LARP1B: variants seen among roughly 807,000 people sequenced by gnomAD.
LARP1B encodes the protein La ribonucleoprotein 1B, also known as la-related protein 1B.
LARP1B carries 76 observed loss-of-function variants against 114.2 expected under a neutral mutation model. That is an observed-to-expected ratio of 0.67 (90% CI 0.55 to 0.81). The LOEUF is 0.81. Among genes scored for constraint, LARP1B ranks in the 30% least tolerant of loss-of-function variants. The probability of loss-of-function intolerance (pLI) is 0.00; values close to 1 mark genes in which losing one functional copy is unlikely to be tolerated. For synonymous variants in LARP1B, 345 were observed against 348.0 expected (o/e 0.99, Z 0.10); for missense variants, 1,014 against 1,075.8 (o/e 0.94, Z 0.80).
At chr4:128,135,922 GT>G (rs903155265) in intron 11 of LARP1B, among the ~76,000 whole-genome samples, 10 of 151,832 alleles carry the variant, frequency 6.6e-5, no homozygotes, top group Non-Finnish European at 1.5e-4. Flanking sequence ...TTTGTGATGT[GT>G]TTTTTAACAT....
At chr4:128,146,816 T>G (rs1730544206) in intron 11 of LARP1B, among the ~76,000 whole-genome samples, 1 of 152,208 alleles carries the variant, frequency 6.6e-6, no homozygotes, top group African/African-American at 2.4e-5. Context: ...ATGAAAGAAT[T>G]TTGAGAGTTT....
At chr4:128,159,177 G>GAA (rs34649655) in intron 11 of LARP1B, among the ~76,000 whole-genome samples, 2 of 117,266 alleles carry the variant, frequency 1.7e-5, no homozygotes, top group Non-Finnish European at 1.8e-5. Context: ...TGTCTCTAGG[G>GAA]AAAAAAAAAA....
At chr4:128,062,028 C>G in intron 1 of LARP1B, 1 of 985,128 alleles carries the variant, frequency 1.0e-6, no homozygotes, top group Non-Finnish European at 1.2e-6. Flanking sequence ...CCGCCGCCGT[C>G]GCCGTTGCCG....
chr4:128,149,229 GCAC>G (rs1286237786), intron 11 of LARP1B, among the ~76,000 whole-genome samples: 3 of 152,182 alleles, frequency 2.0e-5, no homozygotes, highest in Non-Finnish European at 4.4e-5. Context: ...TTAAATGTTA[GCAC>G]TACAGTACTC....
In LARP1B at chr4:128,067,739, C is replaced by T. The variant is rs113126771; in HGVS notation, c.-78+6338C>T. Among the ~76,000 whole-genome samples the T allele has an allele frequency of 8.5e-4, 128 of 150,566 alleles. 1 individual carries two copies. Among genetic ancestry groups the T allele is most frequent in the Middle Eastern group, 3.4e-3 (1 of 292 alleles). ...TTTTTTTTTTCTTTTTTTGAGATGG[C>T]GCCTTGCTCTCGTCGCTCAAGCTGG... On this transcript the variant is annotated intron_variant, in intron 1 of 19. Transcript: ENST00000326639.
intron 11 of LARP1B, chr4:128,122,755 T>C (rs1442362611): frequency 5.0e-6 from 6 of 1,198,282 alleles, no homozygotes; most frequent in Non-Finnish European, 5.2e-6. Flanking sequence ...CTAGGGTTAC[T>C]TTTTACAATC....
In LARP1B at chr4:128,210,493, A is replaced by T; in HGVS notation, c.*440A>T. The T allele has an allele frequency of 3.0e-6, 3 of 988,984 alleles. No homozygotes were observed. The highest frequency in any genetic ancestry group is 3.6e-6 in the Non-Finnish European group (3 of 831,208). 61.3% of individuals were successfully genotyped at this position (988,984 alleles called of 1,614,324 possible). On this transcript the variant is annotated 3_prime_UTR_variant, in exon 20 of 20. Transcript: ENST00000326639. ...AGCTTTCTTAAAGAATCCACAATCC[A>T]ATTACCCCACTGTCAATTCATATTT...
At chr4:128,123,959 T>G (rs1222770431) in intron 11 of LARP1B, 3 of 152,362 alleles carry the variant, frequency 2.0e-5, no homozygotes, top group Non-Finnish European at 4.4e-5. Flanking sequence ...TATGTCTTAC[T>G]TTGACCTGAT....
chr4:128,079,111 AAGAGAC>A (rs1450423797), intron 4 of LARP1B, among the ~76,000 whole-genome samples: 37 of 115,116 alleles, frequency 3.2e-4, no homozygotes, highest in African/African-American at 1.0e-3. Context: ...TTTTTTTTTT[AAGAGAC>A]AGAGTCTTGC....
chr4:128,082,414 T>C (rs920444574), intron 5 of LARP1B, 109 bp downstream of exon 5: 5 of 951,692 alleles, frequency 5.3e-6, no homozygotes, highest in Non-Finnish European at 8.1e-6. Flanking sequence ...GAAGACATCA[T>C]GTCCCTTTAA....
At chr4:128,134,826 T>G (rs1249288395) in intron 11 of LARP1B, among the ~76,000 whole-genome samples, 3 of 152,162 alleles carry the variant, frequency 2.0e-5, no homozygotes, top group Non-Finnish European at 4.4e-5. Context: ...CTAATAAGGC[T>G]GGGCGCAATG....
intron 1 of LARP1B, among the ~76,000 whole-genome samples, chr4:128,064,499 C>A (rs879482023): frequency 1.3e-5 from 2 of 152,172 alleles, no homozygotes; most frequent in Non-Finnish European, 1.5e-5. Flanking sequence ...CTATAAAGAG[C>A]TGTTTGTTTA....
chr4:128,161,525 A>G (rs527517788), intron 11 of LARP1B, among the ~76,000 whole-genome samples: 4 of 152,260 alleles, frequency 2.6e-5, no homozygotes, highest in African/African-American at 9.6e-5. Flanking sequence ...AATCTTCTTG[A>G]CCCAGTATTA....
intron 17 of LARP1B, among the ~76,000 whole-genome samples, chr4:128,205,109 C>T (rs1178672812): frequency 1.3e-5 from 2 of 152,184 alleles, no homozygotes; most frequent in Non-Finnish European, 2.9e-5. Context: ...CTATGGGAGC[C>T]AAGGGCTCAG....
chr4:128,094,325 CTT>C (rs1777045535), intron 7 of LARP1B, among the ~76,000 whole-genome samples: 2 of 150,900 alleles, frequency 1.3e-5, no homozygotes, highest in Non-Finnish European at 2.9e-5. Flanking sequence ...GATAATCTCT[CTT>C]GGCACTCAGA....
rs1040276442 is a variant in LARP1B at position 128,210,719 on chromosome 4, C to G, written c.*666C>G. ...TAGGTTTTGCTTTTCTCCCCCCAGT[C>G]ATATCTCATGATTTCCACAGTTGTT... On this transcript the variant is annotated 3_prime_UTR_variant, in exon 20 of 20. Transcript: ENST00000326639. The G allele has an allele frequency of 3.0e-6, 3 of 985,294 alleles. No homozygotes were observed. Among genetic ancestry groups the G allele is most frequent in the South Asian group, 9.4e-5 (2 of 21,290 alleles). 61.0% of individuals were successfully genotyped at this position (985,294 alleles called of 1,614,324 possible). A position where few individuals can be genotyped will look rare whatever the true frequency, so the allele number is the denominator to read the frequency against.
At chr4:128,217,065 CACAT>C (rs2150983013) in intron 6 of LARP1B, among the ~76,000 whole-genome samples, 1 of 150,286 alleles carries the variant, frequency 6.7e-6, no homozygotes, top group South Asian at 2.1e-4. Flanking sequence ...CATTCCTCGA[CACAT>C]ACACTCTCCC....
intron 12 of LARP1B, 71 bp from the exon 13 acceptor site, chr4:128,176,801 T>A: frequency 7.1e-7 from 1 of 1,416,314 alleles, no homozygotes; most frequent in Non-Finnish European, 9.9e-7. Flanking sequence ...AATTTTAATT[T>A]AATAAATGAA....
chr4:128,096,299 G>A (rs1446869268), intron 7 of LARP1B, among the ~76,000 whole-genome samples: 3 of 152,032 alleles, frequency 2.0e-5, no homozygotes, highest in Non-Finnish European at 4.4e-5. Flanking sequence ...GGCCTATGGA[G>A]GCTATAATTT....
Sources: allele counts gnomAD v4.1 joint callset (sites outside exome capture counted in the v4.1 genomes callset), GRCh38; gene constraint gnomAD v4.1.1; transcripts MANE v1.5; gene names NCBI Gene and HGNC (gene_info 2026-07-23, HGNC 2026-07-21).